The following MOB1B variants were observed in gnomAD, a reference collection of about 807,000 sequenced individuals.
The protein encoded by MOB1B is MOB kinase activator 1B.
Under a neutral mutation model 24.4 loss-of-function variants are expected in MOB1B, and 19 were observed. The ratio of observed to expected loss-of-function variants is 0.78; its 90% confidence interval spans 0.54 to 1.14. The LOEUF (loss-of-function observed/expected upper bound fraction) is 1.14, where lower values mean the gene tolerates loss of function less well. Ranked by LOEUF, MOB1B falls within the 50% of genes most tolerant of loss-of-function variation. The pLI is 0.00. For missense variants in MOB1B, 243 were observed against 259.6 expected, an observed-to-expected ratio of 0.94 and a Z score of 0.44; for synonymous variants, 76 against 82.1, an observed-to-expected ratio of 0.93 and a Z score of 0.40.
intron 1 of MOB1B, among the ~76,000 whole-genome samples, chr4:70,949,417 A>G (rs550324819): frequency 6.6e-6 from 1 of 152,348 alleles, no homozygotes; most frequent in South Asian, 2.1e-4. Context: ...TATTATTTCT[A>G]GAACACATTC....
In MOB1B at chr4:70,983,718, T is replaced by G. The variant is rs536613970; in HGVS notation, c.*1661T>G. Reference sequence around the variant, plus strand: ...CATTAAAGTAGAGCAGTGATACAATTTAATGCCATTACAATTATGTTGACT... The same window carrying G: ...CATTAAAGTAGAGCAGTGATACAATGTAATGCCATTACAATTATGTTGACT... On this transcript the variant is annotated 3_prime_UTR_variant, in exon 6 of 6. Coordinates refer to ENST00000309395, the MANE Select transcript of MOB1B (RefSeq NM_173468.4). The G allele has an allele frequency of 1.3e-5, 2 of 152,682 alleles. No homozygotes were observed. Among genetic ancestry groups the G allele is most frequent in the South Asian group, 4.1e-4 (2 of 4,824 alleles). 9.5% of individuals were successfully genotyped at this position (152,682 alleles called of 1,614,324 possible).
intron 1 of MOB1B, among the ~76,000 whole-genome samples, chr4:70,921,488 T>TCCCCTCCCCC (rs1560633548): frequency 2.2e-5 from 2 of 92,524 alleles, no homozygotes; most frequent in Non-Finnish European, 4.4e-5. Flanking sequence ...TTCTCTCCCC[T>TCCCCTCCCCC]CCCCTCCCCT....
chr4:70,959,771 A>G (rs1041362579), intron 2 of MOB1B, among the ~76,000 whole-genome samples: 22 of 152,242 alleles, frequency 1.4e-4, no homozygotes, highest in Admixed American at 1.1e-3. Flanking sequence ...TAAATGGAAG[A>G]ACCTGGGATC....
At chr4:70,975,985 C>T (rs1427622908) in intron 4 of MOB1B, 12 of 292,406 alleles carry the variant, frequency 4.1e-5, no homozygotes, top group African/African-American at 2.7e-4. Context: ...CTGCAGCCTC[C>T]ACCTCCCGGG....
chr4:70,961,430 C>T (rs1432944972), intron 2 of MOB1B, among the ~76,000 whole-genome samples: 1 of 152,164 alleles, frequency 6.6e-6, no homozygotes, highest in Non-Finnish European at 1.5e-5. Context: ...CAATTTAAAA[C>T]TTATATATTG....
At chr4:70,911,221 A>G (rs561793243) in intron 1 of MOB1B, among the ~76,000 whole-genome samples, 1 of 152,168 alleles carries the variant, frequency 6.6e-6, no homozygotes, top group East Asian at 1.9e-4. Context: ...CTGCAACATC[A>G]TTTTGAATGG....
chr4:70,951,287 A>G (rs1012509193), intron 1 of MOB1B, among the ~76,000 whole-genome samples: 17 of 152,106 alleles, frequency 1.1e-4, no homozygotes, highest in African/African-American at 4.1e-4. Flanking sequence ...CTTCCGTGAA[A>G]CTGGTCCCTA....
chr4:70,902,345 C>G (rs1014471908), upstream of MOB1B: 62 of 678,680 alleles, frequency 9.1e-5, 2 homozygotes, highest in African/African-American at 1.0e-3. Flanking sequence ...CGAGCGCTAC[C>G]CACTTCCGCC....
chr4:70,957,462 C>T (rs1738114325), intron 1 of MOB1B, among the ~76,000 whole-genome samples: 1 of 150,634 alleles, frequency 6.6e-6, no homozygotes, highest in African/African-American at 2.4e-5. Flanking sequence ...AGAGGCAGGC[C>T]TCATTCTGTT....
intron 5 of MOB1B, 106 bp downstream of exon 5, chr4:70,979,397 T>G: frequency 2.5e-6 from 2 of 815,982 alleles, no homozygotes; most frequent in South Asian, 1.9e-5. Flanking sequence ...GCCATATCTC[T>G]GTAGTCTGCA....
At chr4:70,963,735 G>A (rs1015179944) in intron 2 of MOB1B, among the ~76,000 whole-genome samples, 4 of 152,032 alleles carry the variant, frequency 2.6e-5, no homozygotes, top group Non-Finnish European at 5.9e-5. Flanking sequence ...TGGGAAGATC[G>A]CTTGAGCCCA....
At chr4:70,972,738 A>G (rs923714829) in intron 3 of MOB1B, among the ~76,000 whole-genome samples, 3 of 151,922 alleles carry the variant, frequency 2.0e-5, no homozygotes, top group African/African-American at 7.3e-5. Context: ...TGTAAACTCT[A>G]AAGGTCTAAG....
chr4:70,928,184 C>G (rs1385911260), intron 1 of MOB1B, among the ~76,000 whole-genome samples: 1 of 152,130 alleles, frequency 6.6e-6, no homozygotes, highest in African/African-American at 2.4e-5. Flanking sequence ...TGTATGATCT[C>G]TTTGAAGATG....
chr4:70,983,011 A>C lies in MOB1B; in HGVS notation c.*954A>C, dbSNP rs1266339792. 6.6e-6 allele frequency: 1 copy of C among 152,354 alleles called. No homozygotes were observed. Among genetic ancestry groups the C allele is most frequent in the Non-Finnish European group, 1.5e-5 (1 of 67,996 alleles). 9.4% of individuals were successfully genotyped at this position (152,354 alleles called of 1,614,324 possible). On this transcript the variant is annotated 3_prime_UTR_variant, in exon 6 of 6. Coordinates refer to ENST00000309395, the MANE Select transcript of MOB1B (RefSeq NM_173468.4). ...ATGAGGAGTTAGGGATGGGGAGTCA[A>C]GTTCTAGAAAGTTTTGTCTGAAAAC...
chr4:70,949,041 A>T (rs934326500), intron 1 of MOB1B, among the ~76,000 whole-genome samples: 3 of 152,178 alleles, frequency 2.0e-5, no homozygotes, highest in African/African-American at 7.2e-5. Flanking sequence ...CGTAGTCTAG[A>T]TTCTGAGTTT....
chr4:70,952,692 C>G (rs1319458751), intron 1 of MOB1B, among the ~76,000 whole-genome samples: 1 of 149,312 alleles, frequency 6.7e-6, no homozygotes, highest in Non-Finnish European at 1.5e-5. Context: ...CTTTCTAATG[C>G]TTATACCAGA....
chr4:70,985,106 A>T lies in MOB1B; in HGVS notation c.*3049A>T, dbSNP rs1439350335. On this transcript the variant is annotated 3_prime_UTR_variant, in exon 6 of 6. Transcript: ENST00000309395. ...ATCAGGAAATAGAGATGATGTGGAT[A>T]TTTATATATTACATATATAACCACC... The T allele has an allele frequency of 6.6e-6, 1 of 152,222 alleles. No homozygotes were observed. Among genetic ancestry groups the T allele is most frequent in the East Asian group, 1.9e-4 (1 of 5,206 alleles). The allele number at this position is 152,222 out of a possible 1,614,324, so 9.4% of individuals were successfully genotyped here.
At chr4:70,980,408 C>T (rs917780257) in intron 5 of MOB1B, among the ~76,000 whole-genome samples, 6 of 152,168 alleles carry the variant, frequency 3.9e-5, no homozygotes, top group African/African-American at 1.4e-4. Flanking sequence ...TTTTACTGGA[C>T]TCAGTGATCT....
intron 3 of MOB1B, among the ~76,000 whole-genome samples, chr4:70,971,083 T>C (rs1294352566): frequency 6.6e-6 from 1 of 152,252 alleles, no homozygotes; most frequent in Non-Finnish European, 1.5e-5. Context: ...CTGTGGACTT[T>C]GTATGGGGTT....
Sources: gnomAD v4.1 joint callset for allele counts (sites outside exome capture counted in the v4.1 genomes callset) on GRCh38, gnomAD v4.1.1 for gene constraint, MANE v1.5 for transcripts, NCBI Gene and HGNC (gene_info 2026-07-23, HGNC 2026-07-21) for gene names.